The following CACNA2D1 variants were observed in gnomAD, a reference collection of about 807,000 sequenced individuals.
CACNA2D1 encodes the protein calcium voltage-gated channel auxiliary subunit alpha2delta 1, also known as voltage-dependent calcium channel subunit alpha-2/delta-1.
Under a neutral mutation model 171.5 loss-of-function variants are expected in CACNA2D1, and 53 were observed. The observed-to-expected ratio is 0.31, with a 90% CI of 0.25 to 0.39. CACNA2D1 has a LOEUF of 0.39. Among genes scored for constraint, CACNA2D1 ranks in the 10% least tolerant of loss-of-function variants. CACNA2D1 has a pLI of 1.00. For synonymous variants in CACNA2D1, 442 were observed against 443.1 expected (o/e 1.00, Z 0.03); for missense variants, 903 against 1,299.8 (o/e 0.69, Z 4.69).
chr7:81,972,751 C>G (rs528865826), intron 25 of CACNA2D1, among the ~76,000 whole-genome samples: 1 of 151,820 alleles, frequency 6.6e-6, no homozygotes, highest in Non-Finnish European at 1.5e-5. Context: ...TGCACATTTA[C>G]GACAAAATTT....
chr7:81,980,500 G>C (rs983809177), intron 24 of CACNA2D1, among the ~76,000 whole-genome samples: 12 of 152,160 alleles, frequency 7.9e-5, no homozygotes, highest in Non-Finnish European at 1.5e-4. Flanking sequence ...ACCAGGACTT[G>C]GTGGAAGAGC....
At chr7:82,026,379 T>C (rs1801914683) in intron 12 of CACNA2D1, among the ~76,000 whole-genome samples, 1 of 151,736 alleles carries the variant, frequency 6.6e-6, no homozygotes, top group Admixed American at 6.6e-5. Context: ...GTTTGTCATT[T>C]TGATATTTTA....
intron 38 of CACNA2D1, among the ~76,000 whole-genome samples, chr7:81,953,687 A>G (rs921279419): frequency 5.9e-5 from 9 of 152,274 alleles, no homozygotes; most frequent in East Asian, 5.8e-4. Context: ...TAGAAACACT[A>G]TGAGGTATTA....
In CACNA2D1 at chr7:82,443,608, G is replaced by C. The variant is rs1320819755; in HGVS notation, c.-149C>G. ...CGCCCGGGGCCCGAGGCGCGGAGCC[G>C]CGCGGGGGACGGCAAGGGCGGGAGC... On this transcript the variant is annotated 5_prime_UTR_variant, in exon 1 of 39. Coordinates refer to ENST00000356860, the MANE Select transcript of CACNA2D1 (RefSeq NM_000722.4). The C allele has an allele frequency of 1.5e-6, 2 of 1,372,420 alleles. No individual in the cohort carries two copies. The highest frequency in any genetic ancestry group is 3.5e-5 in the South Asian group (2 of 56,674). 85.0% of individuals were successfully genotyped at this position (1,372,420 alleles called of 1,614,324 possible). A position where few individuals can be genotyped will look rare whatever the true frequency, so the allele number is the denominator to read the frequency against.
At chr7:82,169,497 C>T (rs1373452787) in intron 4 of CACNA2D1, among the ~76,000 whole-genome samples, 1 of 151,916 alleles carries the variant, frequency 6.6e-6, no homozygotes, top group African/African-American at 2.4e-5. Flanking sequence ...TCACAAGTAT[C>T]AAGAATGGAA....
At chr7:82,328,549 GC>G (rs1311347328) in intron 3 of CACNA2D1, among the ~76,000 whole-genome samples, 6 of 151,744 alleles carry the variant, frequency 4.0e-5, no homozygotes, top group Non-Finnish European at 7.4e-5. Flanking sequence ...GAAATATTCC[GC>G]CATCTTTTCA....
At chr7:82,163,279 T>C (rs1227017653) in intron 4 of CACNA2D1, among the ~76,000 whole-genome samples, 2 of 152,082 alleles carry the variant, frequency 1.3e-5, no homozygotes, top group African/African-American at 2.4e-5. Flanking sequence ...GGCATATTTG[T>C]ATAAATTATC....
At chr7:82,204,496 G>A (rs6943721) in intron 3 of CACNA2D1, among the ~76,000 whole-genome samples, 29,192 of 152,116 alleles carry the variant, frequency 0.19, 3,108 homozygotes, top group African/African-American at 0.28. Context: ...CTTAATGTAT[G>A]AAGCAACATT....
rs376721852 is a variant in CACNA2D1 at position 81,982,577 on chromosome 7, T to C, written c.1945A>G (p.Ile649Val). ...TACAACAAAACCAACCTTGGTGCTA[T>C]GAATGTATAGCCAGATTCTTCAAAA... ...DNFEESGYTF[I>V]APRDYCNDLK... Residue 649 changes from isoleucine (I) to valine (V), a missense_variant, in exon 24 of 39, where the codon ATA becomes GTA. By Grantham distance (29) the Ile-to-Val change is conservative. Around this residue, in one of 5 missense-constraint regions of CACNA2D1, gnomAD observed 623 missense variants for 925.5 expected, o/e 0.67. Transcript: ENST00000356860. 6 of 1,601,718 alleles carry C rather than the reference T, an allele frequency of 3.7e-6. No individual in the cohort carries two copies. The East Asian group carries it at 1.3e-4, about 36-fold the overall frequency.
chr7:82,388,554 G>T lies in CACNA2D1; in HGVS notation c.96-38905C>A, dbSNP rs1824699414. ...GAGTGGCAGGAGAATATAATCAAGG[G>T]GGCAAAGGGCAAGCCAGGTGCTACA... On this transcript the variant is annotated intron_variant, in intron 1 of 38. Coordinates refer to ENST00000356860, the MANE Select transcript of CACNA2D1 (RefSeq NM_000722.4). Among the ~76,000 whole-genome samples the T allele has an allele frequency of 2.0e-5, 3 of 152,108 alleles. No individual in the cohort carries two copies. The South Asian group carries it at 6.2e-4, about 31-fold the overall frequency.
At chr7:82,283,570 G>A (rs1437875952) in intron 3 of CACNA2D1, among the ~76,000 whole-genome samples, 1 of 152,168 alleles carries the variant, frequency 6.6e-6, no homozygotes, top group East Asian at 1.9e-4. Flanking sequence ...TGAAAATGGA[G>A]AGCAAGTTCT....
chr7:82,421,033 C>A (rs59565778), intron 1 of CACNA2D1, among the ~76,000 whole-genome samples: 6,599 of 152,182 alleles, frequency 0.043, 473 homozygotes, highest in African/African-American at 0.15. Context: ...AGCCCTTGTG[C>A]TTTATTATTA....
chr7:82,032,149 G>T (rs1802777509), intron 12 of CACNA2D1, among the ~76,000 whole-genome samples: 1 of 151,862 alleles, frequency 6.6e-6, no homozygotes, highest in South Asian at 2.1e-4. Flanking sequence ...GGTTCAATGA[G>T]GTCCCTCTCT....
intron 3 of CACNA2D1, among the ~76,000 whole-genome samples, chr7:82,278,598 C>CA (rs530812058): frequency 2.3e-3 from 323 of 140,908 alleles, no homozygotes; most frequent in African/African-American, 8.0e-3. Flanking sequence ...ATCTTCCTGA[C>CA]AAAAAGAAAC....
chr7:82,014,146 C>A (rs1013024241), intron 13 of CACNA2D1, among the ~76,000 whole-genome samples: 2 of 151,914 alleles, frequency 1.3e-5, no homozygotes, highest in Non-Finnish European at 2.9e-5. Context: ...TGATATATAT[C>A]ATTCAGTATA....
chr7:82,304,721 G>A (rs1224959245), intron 3 of CACNA2D1, among the ~76,000 whole-genome samples: 2 of 152,096 alleles, frequency 1.3e-5, no homozygotes, highest in African/African-American at 2.4e-5. Flanking sequence ...GGGGAGGGGT[G>A]TATAGAGAGG....
intron 3 of CACNA2D1, among the ~76,000 whole-genome samples, chr7:82,183,263 C>T (rs1339597493): frequency 6.6e-6 from 1 of 152,040 alleles, no homozygotes; most frequent in Non-Finnish European, 1.5e-5. Flanking sequence ...CTTTCCAAAT[C>T]ACCTGGCAGA....
At chr7:82,265,070 G>A (rs1034128655) in intron 3 of CACNA2D1, among the ~76,000 whole-genome samples, 1 of 152,120 alleles carries the variant, frequency 6.6e-6, no homozygotes, top group Non-Finnish European at 1.5e-5. Context: ...GTTATTGTTG[G>A]AGGAACTGCT....
intron 21 of CACNA2D1, among the ~76,000 whole-genome samples, chr7:81,988,651 T>C (rs942242527): frequency 6.6e-6 from 1 of 152,208 alleles, no homozygotes; most frequent in Non-Finnish European, 1.5e-5. Context: ...AATATTGCAA[T>C]GGAAGTTCTG....
Sources: gnomAD v4.1 joint callset for allele counts (sites outside exome capture counted in the v4.1 genomes callset) on GRCh38, gnomAD v4.1.1 for gene constraint, gnomAD v4.1.1 regional missense constraint, MANE v1.5 for transcripts, NCBI Gene and HGNC (gene_info 2026-07-23, HGNC 2026-07-21) for gene names.